CAPN3: variants seen among roughly 807,000 people sequenced by gnomAD.
CAPN3 encodes calpain-3.
A neutral mutation model predicts 114.0 loss-of-function variants in CAPN3; 88 were observed. The observed-to-expected ratio is 0.77, with a 90% CI of 0.65 to 0.92. The LOEUF is 0.92. Among genes scored for constraint, CAPN3 ranks in the 40% least tolerant of loss-of-function variants. The probability of loss-of-function intolerance (pLI) is 0.00; values close to 1 mark genes in which losing one functional copy is unlikely to be tolerated. For missense variants in CAPN3, 1,028 were observed against 1,069.0 expected, an observed-to-expected ratio of 0.96 and a Z score of 0.53; for synonymous variants, 386 against 382.9, an observed-to-expected ratio of 1.01 and a Z score of -0.09.
chr15:42,402,435 T>A, intron 12 of CAPN3: 18 of 1,432,682 alleles, frequency 1.3e-5, no homozygotes, highest in Non-Finnish European at 1.6e-5. Context: ...ACAGACGCGT[T>A]CTGAGGGTGG....
chr15:42,402,804 A>G lies in CAPN3; in HGVS notation c.1547A>G (p.Asn516Ser), dbSNP rs1181706825. 6.8e-6 allele frequency: 11 copies of G among 1,614,116 alleles called. No individual in the cohort carries two copies. Among genetic ancestry groups the G allele is most frequent in the Non-Finnish European group, 9.3e-6 (11 of 1,179,982 alleles). The change falls in exon 13 of 24, where the codon AAC (asparagine) becomes AGC (serine). Residue 516 changes from asparagine (N) to serine (S), a missense_variant. Asn to Ser is a conservative substitution (Grantham distance 46, BLOSUM62 1). Coordinates refer to ENST00000397163, the MANE Select transcript of CAPN3 (RefSeq NM_000070.3). ...IYEVPKEMHG[N>S]KQHLQKDFFL... ...CTCCCCATCTCTCAGATGCACGGGA[A>G]CAAGCAGCACCTGCAGAAGGACTTC... is the stretch of plus-strand genomic sequence containing the variant.
chr15:42,389,401 A>G (rs1014193022), intron 5 of CAPN3, among the ~76,000 whole-genome samples: 23 of 152,322 alleles, frequency 1.5e-4, no homozygotes, highest in African/African-American at 5.3e-4. Flanking sequence ...GCTCCCATTA[A>G]GCTGGCCACG....
Position 42,388,053 on chromosome 15 carries a change from A to T in CAPN3, c.632+167A>T, listed in dbSNP as rs187256466. 3.8e-3 allele frequency among the ~76,000 whole-genome samples: 584 copies of T among 152,354 alleles called. 2 individuals carry two copies. The highest frequency in any genetic ancestry group is 6.8e-3 in the Middle Eastern group (2 of 294). On this transcript the variant is annotated intron_variant, in intron 4 of 23. Coordinates refer to ENST00000397163, the MANE Select transcript of CAPN3 (RefSeq NM_000070.3). ...AGTTAGAGATCAGTTCCAGGCAACA[A>T]CAGCTCTAACTAAAAACATTAAATT...
Position 42,360,018 on chromosome 15 carries a change from G to T in CAPN3, c.213G>T (p.Lys71Asn), listed in dbSNP as rs747525340. 4 of 1,614,132 alleles carry T rather than the reference G, an allele frequency of 2.5e-6. No homozygotes were observed. Among genetic ancestry groups the T allele is most frequent in the Non-Finnish European group, 3.4e-6 (4 of 1,180,052 alleles). Residue 71 changes from lysine (K) to asparagine (N), a missense_variant, in exon 1 of 24, where the codon AAG (lysine) becomes AAT (asparagine). Lys to Asn is a moderately conservative substitution (Grantham distance 94, BLOSUM62 0). Coordinates refer to ENST00000397163, the MANE Select transcript of CAPN3 (RefSeq NM_000070.3). ...AACTTCACAAGAAATGTCTAGAAAA[G>T]AAAGTTCTTTATGTGGACCCTGAGT... is the stretch of plus-strand genomic sequence containing the variant. ...FEQLHKKCLE[K>N]KVLYVDPEFP... is the part of the protein sequence containing the mutation.
At chr15:42,398,110 G>A (rs2053753381) in intron 9 of CAPN3, among the ~76,000 whole-genome samples, 1 of 131,780 alleles carries the variant, frequency 7.6e-6, no homozygotes, top group Middle Eastern at 3.5e-3. Flanking sequence ...TATTTTTGGG[G>A]TACATATGTA....
intron 4 of CAPN3, among the ~76,000 whole-genome samples, chr15:42,388,117 C>G (rs28364411): frequency 5.9e-5 from 9 of 152,190 alleles, no homozygotes; most frequent in Admixed American, 5.9e-4. Flanking sequence ...AGACCTTTAG[C>G]TTTAGCTTAC....
At chr15:42,399,169 C>A (rs1439364747) in intron 9 of CAPN3, among the ~76,000 whole-genome samples, 1 of 152,160 alleles carries the variant, frequency 6.6e-6, no homozygotes, top group East Asian at 1.9e-4. Context: ...TCCTTCCCTT[C>A]CCAGCCTCTG....
At chr15:42,407,370 C>T (rs1321748983) in intron 15 of CAPN3, among the ~76,000 whole-genome samples, 1 of 151,762 alleles carries the variant, frequency 6.6e-6, no homozygotes, top group Non-Finnish European at 1.5e-5. Context: ...ACTCTGTCAC[C>T]CAGCCTGGAG....
intron 1 of CAPN3, among the ~76,000 whole-genome samples, chr15:42,364,732 G>A (rs770955262): frequency 6.6e-6 from 1 of 152,204 alleles, no homozygotes; most frequent in South Asian, 2.1e-4. Context: ...GGGAAACTTG[G>A]CACCTTGCCC....
chr15:42,368,325 T>C (rs2052842026), intron 1 of CAPN3, among the ~76,000 whole-genome samples: 1 of 152,230 alleles, frequency 6.6e-6, no homozygotes, highest in Admixed American at 6.5e-5. Flanking sequence ...TTCTCATTTC[T>C]GTGCTTTTTA....
intron 14 of CAPN3, chr15:42,404,934 C>G (rs749876072): frequency 5.0e-6 from 5 of 999,766 alleles, no homozygotes; most frequent in Middle Eastern, 5.1e-4. Flanking sequence ...AACCCAAAAG[C>G]TTATGGGAGC....
Position 42,411,729 on chromosome 15 carries a change from T to C in CAPN3, c.2440-18T>C. The C allele has an allele frequency of 8.2e-7, 1 of 1,214,662 alleles. No homozygotes were observed. The highest frequency in any genetic ancestry group is 1.2e-6 in the Non-Finnish European group (1 of 824,292). 75.2% of individuals were successfully genotyped at this position (1,214,662 alleles called of 1,614,324 possible). On this transcript the variant is annotated intron_variant, in intron 23 of 23. Coordinates refer to ENST00000397163, the MANE Select transcript of CAPN3 (RefSeq NM_000070.3). ...CACTCTTTTCTGATCTACATTCTGA[T>C]CTTGGGACTTCTTTCAGTGGCTGCA...
chr15:42,398,815 C>G (rs576823242), intron 9 of CAPN3, among the ~76,000 whole-genome samples: 1 of 122,108 alleles, frequency 8.2e-6, no homozygotes, highest in East Asian at 2.8e-4. Context: ...GACAGAGTCT[C>G]ACTTTGTCGC....
intron 10 of CAPN3, among the ~76,000 whole-genome samples, chr15:42,401,124 G>C (rs1453292481): frequency 6.6e-6 from 1 of 152,006 alleles, no homozygotes; most frequent in African/African-American, 2.4e-5. Flanking sequence ...AACCCAGGAG[G>C]CGGAGGCTGC....
chr15:42,381,310 G>T (rs1233915111), intron 1 of CAPN3, among the ~76,000 whole-genome samples: 1 of 151,916 alleles, frequency 6.6e-6, no homozygotes, highest in Non-Finnish European at 1.5e-5. Flanking sequence ...TGCATGGCAG[G>T]TCTGCTGGCA....
rs1364329193 is a variant in CAPN3, at chr15:42,394,276, A to G, written c.1050A>G (p.Lys350=). The G allele has an allele frequency of 6.4e-7, 1 of 1,560,558 alleles. No homozygotes were observed. The change falls in exon 8 of 24, where the codon AAA becomes AAG. Residue 350 remains lysine, a synonymous_variant. Transcript: ENST00000397163. ...GLDEVPFKGE[K]VKLVRLRNPW... is the part of the protein sequence containing the mutation. Reference sequence around the variant, plus strand: ...TTAAGGTCCCGTTCAAAGGTGAGAAAGTGAAGCTGGTGCGGCTGCGGAATC... The same window carrying G: ...TTAAGGTCCCGTTCAAAGGTGAGAAGGTGAAGCTGGTGCGGCTGCGGAATC...
Position 42,389,059 on chromosome 15 carries a change from C to T in CAPN3, c.764C>T (p.Ala255Val). 6.2e-7 allele frequency: 1 copy of T among 1,614,090 alleles called. No homozygotes were observed. The highest frequency in any genetic ancestry group is 8.5e-7 in the Non-Finnish European group (1 of 1,180,010). Residue 255 changes from alanine to valine, a missense_variant, in exon 5 of 24, where the codon GCC becomes GTC. Ala to Val is a moderately conservative substitution (Grantham distance 64). Coordinates refer to ENST00000397163, the MANE Select transcript of CAPN3 (RefSeq NM_000070.3). ...PSDMYKIMKK[A>V]IERGSLMGCS... is the part of the protein sequence containing the mutation. ...GACATGTACAAGATCATGAAGAAAG[C>T]CATCGAGAGAGGCTCCCTCATGGGC...
At chr15:42,389,826 T>C in intron 5 of CAPN3, 127 bp from the exon 6 acceptor site, 1 of 1,002,386 alleles carries the variant, frequency 1.0e-6, no homozygotes, top group Non-Finnish European at 1.5e-6. Context: ...CCATTCGTGC[T>C]CTGTTGATCT....
At chr15:42,394,825 A>C (rs1203429998) in intron 8 of CAPN3, among the ~76,000 whole-genome samples, 1 of 152,138 alleles carries the variant, frequency 6.6e-6, no homozygotes, top group East Asian at 1.9e-4. Flanking sequence ...CTTTGAAAGA[A>C]TTTTACTGCT....
Sources: allele counts gnomAD v4.1 joint callset (sites outside exome capture counted in the v4.1 genomes callset), GRCh38; gene constraint gnomAD v4.1.1; transcripts MANE v1.5; gene names NCBI Gene and HGNC (gene_info 2026-07-23, HGNC 2026-07-21).